RASGRP3: variants seen among roughly 807,000 people sequenced by gnomAD.
RASGRP3 encodes ras guanyl-releasing protein 3.
RASGRP3 carries 54 observed loss-of-function variants against 82.7 expected under a neutral mutation model. That is an observed-to-expected ratio of 0.65 (90% CI 0.52 to 0.82). The LOEUF is 0.82. Among genes scored for constraint, RASGRP3 ranks in the 40% least tolerant of loss-of-function variants. The pLI is 0.00. For synonymous variants in RASGRP3, 309 were observed against 300.5 expected (o/e 1.03, Z -0.29); for missense variants, 861 against 828.9 (o/e 1.04, Z -0.48).
chr2:33,544,808 A>G (rs1174970971), intron 13 of RASGRP3, among the ~76,000 whole-genome samples: 1 of 152,186 alleles, frequency 6.6e-6, no homozygotes, highest in East Asian at 1.9e-4. Context: ...CAGCCTGGGC[A>G]ACATAGTGGG....
At chr2:33,456,658 G>A (rs1161081021) in intron 2 of RASGRP3, among the ~76,000 whole-genome samples, 2 of 152,146 alleles carry the variant, frequency 1.3e-5, no homozygotes, top group Admixed American at 6.5e-5. Context: ...CATATTTAAA[G>A]TACACAGTTT....
At chr2:33,481,206 G>C (rs1325753914) in intron 1 of RASGRP3, 1 of 152,520 alleles carries the variant, frequency 6.6e-6, no homozygotes, top group Non-Finnish European at 1.5e-5. Context: ...CTGTCGCCCA[G>C]GCTGGAGTGC....
chr2:33,452,973 G>A (rs1384777790), intron 2 of RASGRP3, among the ~76,000 whole-genome samples: 2 of 152,290 alleles, frequency 1.3e-5, no homozygotes, highest in Admixed American at 6.5e-5. Flanking sequence ...GCCCGATGCT[G>A]TGGTCCATAG....
chr2:33,445,722 T>C (rs1049278027), intron 1 of RASGRP3, among the ~76,000 whole-genome samples: 18 of 151,836 alleles, frequency 1.2e-4, no homozygotes, highest in African/African-American at 4.1e-4. Flanking sequence ...TATATTAATA[T>C]GCTAATAATT....
upstream of RASGRP3, among the ~76,000 whole-genome samples, chr2:33,471,915 T>C (rs1667080946): frequency 6.6e-6 from 1 of 152,134 alleles, no homozygotes; most frequent in Non-Finnish European, 1.5e-5. Flanking sequence ...TTTTAAGAAC[T>C]CTAAAGTTTC....
At chr2:33,513,706 A>G (rs149547877) in intron 2 of RASGRP3, among the ~76,000 whole-genome samples, 9 of 152,352 alleles carry the variant, frequency 5.9e-5, no homozygotes, top group Non-Finnish European at 1.0e-4. Flanking sequence ...GATAATGTCT[A>G]TCCAGCAGCG....
intron 1 of RASGRP3, among the ~76,000 whole-genome samples, chr2:33,506,198 G>A (rs916885892): frequency 1.2e-4 from 18 of 152,250 alleles, no homozygotes; most frequent in African/African-American, 4.1e-4. Context: ...CAGACAATAG[G>A]GCCAGTGATA....
intron 13 of RASGRP3, among the ~76,000 whole-genome samples, chr2:33,547,427 T>C (rs1415981800): frequency 3.7e-5 from 5 of 135,510 alleles, no homozygotes; most frequent in Non-Finnish European, 3.0e-5. Flanking sequence ...ATCAAAGTTA[T>C]TTTGCATAGG....
intron 12 of RASGRP3, 52 bp downstream of exon 12, chr2:33,539,262 T>C (rs758767685): frequency 7.4e-7 from 1 of 1,356,824 alleles, no homozygotes; most frequent in Admixed American, 2.0e-5. Flanking sequence ...CCTTTCTCTT[T>C]CCAGAATGTT....
intron 2 of RASGRP3, among the ~76,000 whole-genome samples, chr2:33,452,264 G>A (rs914332243): frequency 6.6e-6 from 1 of 151,860 alleles, no homozygotes; most frequent in East Asian, 1.9e-4. Flanking sequence ...TTGTTGTTTG[G>A]TGGTGGTGTT....
Position 33,520,697 on chromosome 2 carries a change from C to T in RASGRP3, c.368+13C>T, listed in dbSNP as rs201600250. The T allele has an allele frequency of 1.2e-5, 20 of 1,613,350 alleles. No individual in the cohort carries two copies. The highest frequency in any genetic ancestry group is 1.5e-5 in the Non-Finnish European group (18 of 1,179,508). On this transcript the variant is annotated intron_variant, in intron 6 of 17. Transcript: ENST00000403687. ...ACATATCCAGCATGTAAGAGTGGCA[C>T]CGACGTCTTTCACACCCAATAAGTC...
intron 2 of RASGRP3, among the ~76,000 whole-genome samples, chr2:33,450,859 A>T: frequency 7.4e-5 from 1 of 13,592 alleles, no homozygotes; most frequent in African/African-American, 2.0e-4. Context: ...TTTTTTTGAG[A>T]CAGAGTCTTG....
At chr2:33,443,165 G>A (rs1408071003) in intron 1 of RASGRP3, among the ~76,000 whole-genome samples, 3 of 152,064 alleles carry the variant, frequency 2.0e-5, no homozygotes, top group Non-Finnish European at 4.4e-5. Context: ...TTTATAAATA[G>A]CAAATTCATG....
chr2:33,454,015 G>A (rs1035347254), intron 2 of RASGRP3, among the ~76,000 whole-genome samples: 1 of 152,110 alleles, frequency 6.6e-6, no homozygotes, highest in Non-Finnish European at 1.5e-5. Flanking sequence ...GATTGAGATG[G>A]CTGTGTTTTT....
chr2:33,529,487 C>CAAAA (rs56664748), intron 10 of RASGRP3, among the ~76,000 whole-genome samples: 4 of 57,026 alleles, frequency 7.0e-5, no homozygotes, highest in Non-Finnish European at 8.8e-5. Context: ...GACTCCATCT[C>CAAAA]AAAAAAAAAA....
chr2:33,543,062 A>G (rs549378793), intron 12 of RASGRP3, among the ~76,000 whole-genome samples: 3 of 152,258 alleles, frequency 2.0e-5, no homozygotes, highest in South Asian at 2.1e-4. Context: ...TGCCCAGGCT[A>G]CAGTGCAGCG....
intron 3 of RASGRP3, 139 bp from the exon 4 acceptor site, chr2:33,516,403 T>A (rs4233918): frequency 6.9e-6 from 4 of 581,178 alleles, no homozygotes; most frequent in Admixed American, 3.1e-5. Context: ...CAAGACTCCA[T>A]CTTAAAAAGA....
intron 1 of RASGRP3, among the ~76,000 whole-genome samples, chr2:33,505,336 C>G (rs905337759): frequency 2.0e-5 from 3 of 147,896 alleles, no homozygotes; most frequent in Admixed American, 6.8e-5. Context: ...GAGTTTTGCT[C>G]TTGTTACCCA....
At chr2:33,489,367 C>T (rs72865981) in intron 1 of RASGRP3, among the ~76,000 whole-genome samples, 1,909 of 152,194 alleles carry the variant, frequency 0.013, 45 homozygotes, top group African/African-American at 0.044. Flanking sequence ...ACTGCTGCAT[C>T]GGCGTCAGGG....
Sources: gnomAD v4.1 joint callset for allele counts (sites outside exome capture counted in the v4.1 genomes callset) on GRCh38, gnomAD v4.1.1 for gene constraint, MANE v1.5 for transcripts, NCBI Gene and HGNC (gene_info 2026-07-23, HGNC 2026-07-21) for gene names.